Variants in PABPC1L observed in about 807,000 individuals in gnomAD.
PABPC1L encodes the protein polyadenylate-binding protein 1-like.
Under a neutral mutation model 66.6 loss-of-function variants are expected in PABPC1L, and 31 were observed. The observed-to-expected ratio is 0.47, with a 90% CI of 0.35 to 0.63. The LOEUF (loss-of-function observed/expected upper bound fraction) is 0.63, where lower values mean the gene tolerates loss of function less well. PABPC1L is among the 20% of genes least tolerant of loss of function. The pLI is 0.00. For missense variants in PABPC1L, 722 were observed against 848.8 expected (o/e 0.85, Z 1.86); for synonymous variants, 348 against 335.1 (o/e 1.04, Z -0.42).
chr20:44,920,200 T>C (rs985575389), intron 5 of PABPC1L, among the ~76,000 whole-genome samples: 1 of 152,164 alleles, frequency 6.6e-6, no homozygotes, highest in Non-Finnish European at 1.5e-5. Context: ...TTACTTTTGG[T>C]GTAGAGTCTA....
chr20:44,935,147 C>A (rs147444514), intron 10 of PABPC1L, among the ~76,000 whole-genome samples: 1 of 151,002 alleles, frequency 6.6e-6, no homozygotes, highest in East Asian at 1.9e-4. Flanking sequence ...TGGGTATATA[C>A]CCAGAGGTAA....
intron 8 of PABPC1L, 84 bp downstream of exon 8, chr20:44,930,810 T>C (rs1245707574): frequency 1.3e-6 from 2 of 1,511,770 alleles, no homozygotes; most frequent in Non-Finnish European, 1.8e-6. Context: ...TCTAGGGAAA[T>C]GGAGGTTTCT....
rs2066693637 is a variant in PABPC1L, at chr20:44,910,181, T to A, written c.38T>A (p.Leu13His). The A allele has an allele frequency of 4.4e-6, 7 of 1,580,340 alleles. No homozygotes were observed. Among genetic ancestry groups the A allele is most frequent in the Non-Finnish European group, 6.0e-6 (7 of 1,163,578 alleles). The change falls in exon 1 of 15, where the codon CTT becomes CAT. Residue 13 changes from leucine (L) to histidine (H), a missense_variant. This residue lies in a region of PABPC1L where 284 missense variants were observed against 294.8 expected (regional missense o/e 0.96). Transcript: ENST00000217073. ...GGTTCTGGCTACCCGCTTGCCTCGC[T>A]TTACGTGGGCGATCTGCACCCCGAC... Reference protein sequence around the residue: ...ASGSGYPLASLYVGDLHPDVT... With the variant: ...ASGSGYPLASHYVGDLHPDVT...
At chr20:44,929,345 G>A (rs1698512866) in intron 7 of PABPC1L, among the ~76,000 whole-genome samples, 2 of 152,044 alleles carry the variant, frequency 1.3e-5, no homozygotes, top group Non-Finnish European at 2.9e-5. Flanking sequence ...AATATTAGGG[G>A]AAAAAAGAGT....
At chr20:44,936,574 G>A in intron 11 of PABPC1L, 63 bp from the exon 12 acceptor site, 1 of 1,369,216 alleles carries the variant, frequency 7.3e-7, no homozygotes, top group Non-Finnish European at 9.9e-7. Context: ...ACTTGCCAGG[G>A]TAAGTATTTT....
At chr20:44,926,435 C>T (rs1325866742) in intron 7 of PABPC1L, among the ~76,000 whole-genome samples, 2 of 151,608 alleles carry the variant, frequency 1.3e-5, no homozygotes, top group South Asian at 2.1e-4. Context: ...CTGTGTTGGC[C>T]GGGCTGGTCT....
rs1407380151 is a variant in PABPC1L at position 44,910,175 on chromosome 20, C to T, written c.32C>T (p.Ala11Val). ...GCCAGCGGTTCTGGCTACCCGCTTG[C>T]CTCGCTTTACGTGGGCGATCTGCAC... Reference protein sequence around the residue: MNASGSGYPLASLYVGDLHPD... With the variant: MNASGSGYPLVSLYVGDLHPD... Residue 11 changes from alanine (A) to valine (V), a missense_variant, in exon 1 of 15, where the codon GCC (alanine) becomes GTC (valine). Physicochemically the swap from Ala to Val is moderately conservative, Grantham distance 64. Transcript: ENST00000217073. 2 of 1,577,448 alleles carry T rather than the reference C, an allele frequency of 1.3e-6. No individual in the cohort carries two copies. Among genetic ancestry groups the T allele is most frequent in the African/African-American group, 2.7e-5 (2 of 73,700 alleles).
intron 8 of PABPC1L, among the ~76,000 whole-genome samples, chr20:44,930,997 T>TTTCCTTCCTTCCTTCCTTCC (rs144338158): frequency 1.9e-4 from 18 of 93,954 alleles, no homozygotes; most frequent in East Asian, 1.2e-3. Flanking sequence ...GACCTACATT[T>TTTCCTTCCTTCCTTCCTTCC]TTCCTTCCTC....
At chr20:44,914,223 T>G (rs2066723821) in intron 2 of PABPC1L, among the ~76,000 whole-genome samples, 1 of 150,502 alleles carries the variant, frequency 6.6e-6, no homozygotes, top group African/African-American at 2.5e-5. Context: ...TTTTTTTTTT[T>G]TGAGACGGAG....
intron 7 of PABPC1L, among the ~76,000 whole-genome samples, chr20:44,929,416 A>G (rs1400414114): frequency 6.6e-6 from 1 of 152,222 alleles, no homozygotes; most frequent in Non-Finnish European, 1.5e-5. Flanking sequence ...AGCTAATGGT[A>G]TAAAATAGTT....
chr20:44,935,541 C>T (rs769243919), intron 11 of PABPC1L, 44 bp downstream of exon 11: 20 of 1,554,424 alleles, frequency 1.3e-5, no homozygotes, highest in Middle Eastern at 3.7e-4. Flanking sequence ...GGCTCCTGGC[C>T]GCCTGGCTCA....
At chr20:44,935,975 TA>T (rs2066897941) in intron 11 of PABPC1L, among the ~76,000 whole-genome samples, 2 of 152,094 alleles carry the variant, frequency 1.3e-5, no homozygotes, top group Non-Finnish European at 1.5e-5. Context: ...CAAAAATGTC[TA>T]TTTTTTTTTT....
chr20:44,916,225 A>G (rs182792155), intron 2 of PABPC1L, among the ~76,000 whole-genome samples: 1 of 152,316 alleles, frequency 6.6e-6, no homozygotes, highest in Non-Finnish European at 1.5e-5. Flanking sequence ...TGCAGTATAG[A>G]TGAAACCTGT....
chr20:44,914,564 C>A (rs757189696), intron 2 of PABPC1L, among the ~76,000 whole-genome samples: 3 of 152,120 alleles, frequency 2.0e-5, no homozygotes, highest in Non-Finnish European at 4.4e-5. Context: ...AAGTTCTCAA[C>A]GAGGGCTCTC....
chr20:44,938,079 T>C lies in PABPC1L; in HGVS notation c.1679T>C (p.Leu560Pro), dbSNP rs761577214. Reference sequence around the variant, plus strand: ...CACACAGGGGAGCGTCTCTACCCCCTTATCCATGATGTCCACACCCAGCTG... The same window carrying C: ...CACACAGGGGAGCGTCTCTACCCCCCTATCCATGATGTCCACACCCAGCTG... ...KQMIGERLYP[L>P]IHDVHTQLAG... The change falls in exon 13 of 15, where the codon CTT (leucine) becomes CCT (proline). Residue 560 changes from leucine (L) to proline (P), a missense_variant. Leu to Pro is a moderately conservative substitution (Grantham distance 98). Around this residue, in one of 3 missense-constraint regions of PABPC1L, gnomAD observed 301 missense variants for 337.2 expected, o/e 0.89. Coordinates refer to ENST00000217073, the MANE Select transcript of PABPC1L (RefSeq NM_001372179.1). 6.2e-7 allele frequency: 1 copy of C among 1,614,168 alleles called. No homozygotes were observed. Among genetic ancestry groups the C allele is most frequent in the Non-Finnish European group, 8.5e-7 (1 of 1,180,006 alleles).
Position 44,916,772 on chromosome 20 carries a change from A to G in PABPC1L, c.404A>G (p.His135Arg), listed in dbSNP as rs371293807. 2.5e-6 allele frequency: 4 copies of G among 1,614,078 alleles called. No homozygotes were observed. Among genetic ancestry groups the G allele is most frequent in the Non-Finnish European group, 3.4e-6 (4 of 1,180,042 alleles). ...ILSCKVACDEHGSRGFGFVHF... is the reference protein window; with the variant it reads ...ILSCKVACDERGSRGFGFVHF... ...GTGGCCCAGGTGGCGTGTGACGAGC[A>G]TGGCTCCCGGGGTTTCGGCTTTGTC... Residue 135 changes from histidine to arginine, a missense_variant, in exon 3 of 15, where the codon CAT becomes CGT. His to Arg is a conservative substitution (Grantham distance 29). Transcript: ENST00000217073.
At chr20:44,937,298 T>C (rs2066908856) in intron 12 of PABPC1L, 2 of 283,448 alleles carry the variant, frequency 7.1e-6, no homozygotes, top group African/African-American at 2.2e-5. Flanking sequence ...GCAGGTTCTT[T>C]ACTGCATGGC....
rs377052730 is a variant in PABPC1L at position 44,935,976 on chromosome 20, AT to A, written c.1566+490del. ...CAGTCTTTAAACAGCAAAAATGTCT[AT>A]TTTTTTTTTTGGACAGGGTCTTTTT... On this transcript the variant is annotated intron_variant, in intron 11 of 14. Transcript: ENST00000217073. 3.1e-3 allele frequency among the ~76,000 whole-genome samples: 459 copies of A among 146,546 alleles called. 2 individuals are homozygous for A. Among genetic ancestry groups the A allele is most frequent in the African/African-American group, 0.011 (428 of 40,098 alleles).
chr20:44,916,366 C>T (rs1296603068), intron 2 of PABPC1L, among the ~76,000 whole-genome samples: 3 of 152,250 alleles, frequency 2.0e-5, no homozygotes, highest in Middle Eastern at 3.4e-3. Context: ...TCCGCCTCCT[C>T]GGTTCAAGCA....
Sources: allele counts gnomAD v4.1 joint callset (sites outside exome capture counted in the v4.1 genomes callset), GRCh38; gene constraint gnomAD v4.1.1; regional missense constraint gnomAD v4.1.1; transcripts MANE v1.5; gene names NCBI Gene and HGNC (gene_info 2026-07-23, HGNC 2026-07-21).